The following SGMS1 variants were observed in gnomAD, a reference collection of about 807,000 sequenced individuals.
SGMS1 encodes the protein phosphatidylcholine:ceramide cholinephosphotransferase 1.
In SGMS1, 13 loss-of-function variants were observed where a neutral mutation model predicts 46.2. The observed-to-expected ratio is 0.28, with a 90% CI of 0.18 to 0.45. SGMS1 has a LOEUF of 0.45. Ranked by LOEUF, SGMS1 falls within the 20% of genes least tolerant of loss-of-function variation. The probability of loss-of-function intolerance (pLI) is 1.00; values close to 1 mark genes in which losing one functional copy is unlikely to be tolerated. For missense variants in SGMS1, 324 were observed against 519.9 expected (o/e 0.62, Z 3.66); for synonymous variants, 203 against 187.8 (o/e 1.08, Z -0.66).
intron 5 of SGMS1, among the ~76,000 whole-genome samples, chr10:50,444,740 T>C (rs1836986645): frequency 6.6e-6 from 1 of 151,962 alleles, no homozygotes; most frequent in Non-Finnish European, 1.5e-5. Context: ...AAAAAAATAC[T>C]TTGAGAGAGG....
At chr10:50,478,168 T>A (rs575387325) in intron 3 of SGMS1, among the ~76,000 whole-genome samples, 1 of 152,122 alleles carries the variant, frequency 6.6e-6, no homozygotes, top group South Asian at 2.1e-4. Context: ...ATAAATAAAA[T>A]CCAAGTAAAT....
At chr10:50,362,808 T>C (rs1275328735) in intron 6 of SGMS1, among the ~76,000 whole-genome samples, 1 of 152,220 alleles carries the variant, frequency 6.6e-6, no homozygotes, top group African/African-American at 2.4e-5. Flanking sequence ...ATGATTTTTT[T>C]CTTAAAGATA....
At chr10:50,481,872 T>C (rs2339503) in intron 3 of SGMS1, among the ~76,000 whole-genome samples, 107,582 of 152,074 alleles carry the variant, frequency 0.71, 39,056 homozygotes, top group African/African-American at 0.88. Flanking sequence ...GAGAACTTCA[T>C]AGCACAACTA....
intron 6 of SGMS1, among the ~76,000 whole-genome samples, chr10:50,403,083 C>T (rs1179518443): frequency 5.9e-5 from 9 of 152,006 alleles, no homozygotes; most frequent in South Asian, 2.1e-4. Context: ...TTTAAATGTT[C>T]GAAGAAGTTT....
intron 2 of SGMS1, among the ~76,000 whole-genome samples, chr10:50,553,947 GA>G (rs1838169825): frequency 1.3e-5 from 2 of 152,304 alleles, no homozygotes; most frequent in South Asian, 4.1e-4. Flanking sequence ...CAAGGCACCT[GA>G]AAACAGAAGG....
intron 5 of SGMS1, among the ~76,000 whole-genome samples, chr10:50,449,666 C>T (rs1457172532): frequency 7.0e-6 from 1 of 142,428 alleles, no homozygotes; most frequent in Non-Finnish European, 1.6e-5. Context: ...TGTGTGTGTA[C>T]ACACATGCCC....
At chr10:50,362,280 C>A (rs951239632) in intron 6 of SGMS1, among the ~76,000 whole-genome samples, 7 of 152,064 alleles carry the variant, frequency 4.6e-5, no homozygotes, top group Admixed American at 1.3e-4. Flanking sequence ...GAAGAAAAAT[C>A]TCAAATTCAG....
At chr10:50,454,892 G>A (rs1837172225) in intron 5 of SGMS1, among the ~76,000 whole-genome samples, 1 of 152,138 alleles carries the variant, frequency 6.6e-6, no homozygotes, top group South Asian at 2.1e-4. Flanking sequence ...CATAGGTCAT[G>A]CATTTTAGAC....
At chr10:50,516,074 C>A (rs1420774600) in intron 3 of SGMS1, among the ~76,000 whole-genome samples, 1 of 152,098 alleles carries the variant, frequency 6.6e-6, no homozygotes, top group Non-Finnish European at 1.5e-5. Context: ...ATCACAAAAT[C>A]CACACACACA....
intron 3 of SGMS1, among the ~76,000 whole-genome samples, chr10:50,516,325 A>G (rs3011773): frequency 0.17 from 25,840 of 152,190 alleles, 2,874 homozygotes; most frequent in Non-Finnish European, 0.25. Flanking sequence ...GAGCTTACAG[A>G]GATGATGCCT....
chr10:50,601,010 G>A (rs1472651247), intron 1 of SGMS1, among the ~76,000 whole-genome samples: 1 of 152,120 alleles, frequency 6.6e-6, no homozygotes, highest in African/African-American at 2.4e-5. Flanking sequence ...ATGGGCCAAG[G>A]AACCACAGAC....
At chr10:50,390,607 C>T (rs1185499510) in intron 6 of SGMS1, among the ~76,000 whole-genome samples, 1 of 151,976 alleles carries the variant, frequency 6.6e-6, no homozygotes, top group African/African-American at 2.4e-5. Context: ...CACTGCACTC[C>T]TGCCTAGGTA....
At chr10:50,464,302 C>T (rs1304597578) in intron 4 of SGMS1, among the ~76,000 whole-genome samples, 1 of 152,144 alleles carries the variant, frequency 6.6e-6, no homozygotes, top group African/African-American at 2.4e-5. Flanking sequence ...AATGTGAGAC[C>T]ATTTGACCAC....
chr10:50,619,008 A>C (rs376654527), intron 1 of SGMS1, among the ~76,000 whole-genome samples: 2 of 152,100 alleles, frequency 1.3e-5, no homozygotes, highest in Admixed American at 6.6e-5. Flanking sequence ...AAGAAAATGC[A>C]CACAGACCCA....
At chr10:50,486,457 C>T (rs1482921567) in intron 3 of SGMS1, among the ~76,000 whole-genome samples, 1 of 152,036 alleles carries the variant, frequency 6.6e-6, no homozygotes, top group East Asian at 1.9e-4. Context: ...GGAACTTAAA[C>T]AAATTCACAA....
intron 2 of SGMS1, among the ~76,000 whole-genome samples, chr10:50,580,085 G>C (rs1381879950): frequency 6.6e-6 from 1 of 152,176 alleles, no homozygotes; most frequent in Admixed American, 6.5e-5. Flanking sequence ...AACACAATTT[G>C]TGTGTGTGCA....
intron 2 of SGMS1, among the ~76,000 whole-genome samples, chr10:50,560,563 GAC>G (rs1335728357): frequency 7.0e-6 from 1 of 143,386 alleles, no homozygotes; most frequent in African/African-American, 2.6e-5. Context: ...TATATTATAT[GAC>G]ATATATACAT....
At chr10:50,460,256 T>C (rs1364861306) in intron 5 of SGMS1, 1 of 152,148 alleles carries the variant, frequency 6.6e-6, no homozygotes, top group Non-Finnish European at 1.5e-5. Context: ...TACAACCACA[T>C]CCAATCAGAA....
At chr10:50,509,876 G>A (rs1837738981) in intron 3 of SGMS1, among the ~76,000 whole-genome samples, 1 of 152,214 alleles carries the variant, frequency 6.6e-6, no homozygotes, top group East Asian at 1.9e-4. Flanking sequence ...ATTTTTGTTG[G>A]TGGTGTTTTT....
Sources: allele counts gnomAD v4.1 joint callset (sites outside exome capture counted in the v4.1 genomes callset), GRCh38; gene constraint gnomAD v4.1.1; transcripts MANE v1.5; gene names NCBI Gene and HGNC (gene_info 2026-07-23, HGNC 2026-07-21).